The following RPS6KA2 variants were observed in gnomAD, a reference collection of about 807,000 sequenced individuals.
RPS6KA2 encodes ribosomal protein S6 kinase alpha-2.
In RPS6KA2, 42 loss-of-function variants were observed where a neutral mutation model predicts 91.8. The observed-to-expected ratio is 0.46, with a 90% CI of 0.36 to 0.59. RPS6KA2 has a LOEUF of 0.59. Ranked by LOEUF, RPS6KA2 falls within the 20% of genes least tolerant of loss-of-function variation. RPS6KA2 has a pLI of 0.00. For missense variants in RPS6KA2, 798 were observed against 978.5 expected, an observed-to-expected ratio of 0.82 and a Z score of 2.46; for synonymous variants, 414 against 393.6, an observed-to-expected ratio of 1.05 and a Z score of -0.61.
chr6:166,734,881 C>A (rs904836764), intron 2 of RPS6KA2, among the ~76,000 whole-genome samples: 1 of 152,152 alleles, frequency 6.6e-6, no homozygotes, highest in Non-Finnish European at 1.5e-5. Flanking sequence ...TTTTCACATA[C>A]AGAATGAGAA....
chr6:166,724,333 G>A (rs1045632985), intron 2 of RPS6KA2, among the ~76,000 whole-genome samples: 1 of 151,936 alleles, frequency 6.6e-6, no homozygotes, highest in Admixed American at 6.6e-5. Flanking sequence ...GAGGTCCACG[G>A]CAGCTAGCTC....
At chr6:166,470,085 C>G (rs942212285) in intron 10 of RPS6KA2, among the ~76,000 whole-genome samples, 180 bp from the exon 11 acceptor site, 6 of 152,222 alleles carry the variant, frequency 3.9e-5, no homozygotes, top group African/African-American at 1.2e-4. Context: ...GCTCAGAAAG[C>G]CACGACTCAG....
chr6:166,727,647 C>G (rs1240216211), intron 2 of RPS6KA2, among the ~76,000 whole-genome samples: 4 of 152,014 alleles, frequency 2.6e-5, no homozygotes, highest in Non-Finnish European at 5.9e-5. Context: ...ATCCTGAACA[C>G]CCTCAGGTAT....
In RPS6KA2 at chr6:166,664,299, G is replaced by A. The variant is rs1047932123; in HGVS notation, c.124-125515C>T. Among the ~76,000 whole-genome samples the A allele has an allele frequency of 2.0e-5, 3 of 152,344 alleles. No individual in the cohort carries two copies. The East Asian group carries it at 5.8e-4, about 29-fold the overall frequency. Reference sequence around the variant, plus strand: ...TCCCTCCTTCTACTGAGCCCAGTGAGCTCACAGCTGGAACGCTGCTCCACG... The same window carrying A: ...TCCCTCCTTCTACTGAGCCCAGTGAACTCACAGCTGGAACGCTGCTCCACG... On this transcript the variant is annotated intron_variant, in intron 2 of 21. Coordinates refer to the RPS6KA2 transcript ENST00000503859.
intron 1 of RPS6KA2, chr6:166,586,434 A>C (rs1404421773): frequency 4.4e-5 from 71 of 1,599,802 alleles, no homozygotes; most frequent in Non-Finnish European, 5.9e-5. Flanking sequence ...TCTACTAGCA[A>C]ACATCTCTTC....
intron 2 of RPS6KA2, among the ~76,000 whole-genome samples, chr6:166,746,624 T>G (rs1023767502): frequency 2.6e-5 from 4 of 152,194 alleles, no homozygotes; most frequent in Admixed American, 2.6e-4. Context: ...ACCCCTCACT[T>G]CAGATGCCAG....
intron 1 of RPS6KA2, chr6:166,862,054 C>A (rs1283074954): frequency 1.7e-5 from 28 of 1,611,986 alleles, no homozygotes; most frequent in Non-Finnish European, 2.4e-5. Context: ...GCATTGGCTG[C>A]AGAGTTCGGA....
intron 2 of RPS6KA2, among the ~76,000 whole-genome samples, chr6:166,644,848 A>G (rs995228626): frequency 6.6e-6 from 1 of 152,246 alleles, no homozygotes; most frequent in Non-Finnish European, 1.5e-5. Flanking sequence ...TCTAAATCCA[A>G]TATGACTGGT....
At chr6:166,465,307 T>G (rs1031050150) in intron 11 of RPS6KA2, 13 of 152,344 alleles carry the variant, frequency 8.5e-5, no homozygotes, top group Admixed American at 4.6e-4. Context: ...GGAGTAAAAT[T>G]ACCCCTTAAA....
At chr6:166,572,749 A>G (rs1784726459) in intron 1 of RPS6KA2, among the ~76,000 whole-genome samples, 2 of 152,224 alleles carry the variant, frequency 1.3e-5, no homozygotes, top group Non-Finnish European at 2.9e-5. Context: ...GGACACAAGC[A>G]AAGAGGAACA....
rs148171176 is a variant in RPS6KA2, at chr6:166,534,874, C to T, written c.217-3561G>A. Reference sequence around the variant, plus strand: ...AAGCACAGGACCCAGTGGAGGGGAACGGCACCTTGAGACGAGCAGCAAAAT... The same window carrying T: ...AAGCACAGGACCCAGTGGAGGGGAATGGCACCTTGAGACGAGCAGCAAAAT... On this transcript the variant is annotated intron_variant, in intron 2 of 20. Transcript: ENST00000265678. Among the ~76,000 whole-genome samples the T allele has an allele frequency of 2.6e-3, 389 of 152,290 alleles. 3 individuals carry two copies. The highest frequency in any genetic ancestry group is 8.9e-3 in the African/African-American group (371 of 41,582).
intron 2 of RPS6KA2, among the ~76,000 whole-genome samples, chr6:166,764,556 A>G (rs546008972): frequency 3.3e-5 from 5 of 152,138 alleles, no homozygotes; most frequent in Admixed American, 3.3e-4. Flanking sequence ...GCCATGCCGC[A>G]GGCCTAGATG....
chr6:166,627,234 T>A lies in RPS6KA2; in HGVS notation c.-215A>T, dbSNP rs1786924384. On this transcript the variant is annotated 5_prime_UTR_variant, in exon 1 of 21. Coordinates refer to ENST00000265678, the MANE Select transcript of RPS6KA2 (RefSeq NM_021135.6). ...CACAATCGCTCCCTCCGCCTCCTTCTCCGCCTCCCCTGCGAGTACCAGCGC... is the reference window on the plus strand; with the variant it reads ...CACAATCGCTCCCTCCGCCTCCTTCACCGCCTCCCCTGCGAGTACCAGCGC... 4 of 1,021,352 alleles carry A rather than the reference T, an allele frequency of 3.9e-6. No homozygotes were observed. The South Asian group carries it at 1.4e-4, about 35-fold the overall frequency. 63.3% of individuals were successfully genotyped at this position (1,021,352 alleles called of 1,614,324 possible). A position where few individuals can be genotyped will look rare whatever the true frequency, so the allele number is the denominator to read the frequency against.
chr6:166,699,042 G>A (rs553608796), intron 2 of RPS6KA2, among the ~76,000 whole-genome samples: 32 of 152,280 alleles, frequency 2.1e-4, no homozygotes, highest in Admixed American at 5.9e-4. Flanking sequence ...GTAGTGATGA[G>A]GAAGACTGGC....
rs1789531702 is a variant in RPS6KA2, at chr6:166,701,887, T to G, written c.123+156313A>C. The G allele has an allele frequency of 5.7e-6, 6 of 1,058,144 alleles. No individual in the cohort carries two copies. In the South Asian group the frequency reaches 6.5e-5, roughly 11 times the overall value. 65.5% of individuals were successfully genotyped at this position (1,058,144 alleles called of 1,614,324 possible). ...GATTATACTGCATCAGTTCCTGCAA[T>G]GGAGATATCGTGATTTTAGTGTCTG... On this transcript the variant is annotated intron_variant, in intron 2 of 21. Transcript: ENST00000503859.
intron 9 of RPS6KA2, among the ~76,000 whole-genome samples, chr6:166,489,662 C>A (rs1184230358): frequency 1.3e-5 from 2 of 152,146 alleles, no homozygotes; most frequent in Non-Finnish European, 2.9e-5. Context: ...ACTTGCAGCT[C>A]TCAGTGTCTG....
At chr6:166,823,164 G>C (rs1179593794) in intron 2 of RPS6KA2, among the ~76,000 whole-genome samples, 1 of 152,206 alleles carries the variant, frequency 6.6e-6, no homozygotes, top group Non-Finnish European at 1.5e-5. Flanking sequence ...ATGCAATGAA[G>C]AAGCAGGCAG....
At chr6:166,562,909 T>C (rs1177272850) in intron 1 of RPS6KA2, among the ~76,000 whole-genome samples, 1 of 151,970 alleles carries the variant, frequency 6.6e-6, no homozygotes, top group East Asian at 1.9e-4. Flanking sequence ...GGGCCTGGGA[T>C]GTGTGGGCAG....
chr6:166,740,852 G>A (rs953709812), intron 2 of RPS6KA2, among the ~76,000 whole-genome samples: 1 of 152,270 alleles, frequency 6.6e-6, no homozygotes, highest in Admixed American at 6.5e-5. Flanking sequence ...AAATGCAGAT[G>A]AAAATATTCC....
Sources: gnomAD v4.1 joint callset for allele counts (sites outside exome capture counted in the v4.1 genomes callset) on GRCh38, gnomAD v4.1.1 for gene constraint, MANE v1.5 for transcripts, NCBI Gene and HGNC (gene_info 2026-07-23, HGNC 2026-07-21) for gene names.